Variants in SRD5A1 observed in about 807,000 individuals in gnomAD.
SRD5A1 encodes the protein steroid 5 alpha-reductase 1.
SRD5A1 carries 22 observed loss-of-function variants against 28.2 expected under a neutral mutation model. The observed-to-expected ratio is 0.78, with a 90% CI of 0.56 to 1.12. The LOEUF is 1.12. SRD5A1 is among the 50% of genes most tolerant of loss of function. SRD5A1 has a pLI of 0.00. For missense variants in SRD5A1, 300 were observed against 346.7 expected (o/e 0.87, Z 1.07); for synonymous variants, 151 against 135.0 (o/e 1.12, Z -0.82).
chr5:6,654,265 C>T (rs1254352825), intron 2 of SRD5A1, among the ~76,000 whole-genome samples: 1 of 152,036 alleles, frequency 6.6e-6, no homozygotes, highest in Non-Finnish European at 1.5e-5. Context: ...TCATGTTGGC[C>T]AGACTGGTCT....
Position 6,633,840 on chromosome 5 carries a change from G to A in SRD5A1, c.264G>A (p.Leu88=), listed in dbSNP as rs1471773515. The stretch of plus-strand genomic sequence containing the variant: ...GCAGCGCGCCCAACTGCATCCTCCT[G>A]GCCATGTTCCTCGTCCACTACGGGC... ...RLRSAPNCIL[L]AMFLVHYGHR... is the part of the protein sequence containing the mutation. Residue 88 remains leucine (L), a synonymous_variant, in exon 1 of 5, where the codon CTG becomes CTA. Coordinates refer to ENST00000274192, the MANE Select transcript of SRD5A1 (RefSeq NM_001047.4). 1.9e-5 allele frequency: 30 copies of A among 1,597,622 alleles called. No individual in the cohort carries two copies. Among genetic ancestry groups the A allele is most frequent in the Non-Finnish European group, 2.5e-5 (30 of 1,179,568 alleles).
rs1739387924 is a variant in SRD5A1 at position 6,672,406 on chromosome 5, G to C, written c.*4138G>C. The C allele has an allele frequency of 6.6e-6, 1 of 152,326 alleles. No individual in the cohort carries two copies. The highest frequency in any genetic ancestry group is 6.5e-5 in the Admixed American group (1 of 15,286). The allele number at this position is 152,326 out of a possible 1,614,324, so 9.4% of individuals were successfully genotyped here. ...TTCTTCTGCCTCAGCCTCCCGAGTAGCTGGGATTACAGGTGCATGCCACCA... is the reference window on the plus strand; with the variant it reads ...TTCTTCTGCCTCAGCCTCCCGAGTACCTGGGATTACAGGTGCATGCCACCA... On this transcript the variant is annotated 3_prime_UTR_variant, in exon 5 of 5. Transcript: ENST00000274192.
At chr5:6,656,214 T>A in intron 3 of SRD5A1, 35 bp downstream of exon 3, 2 of 1,561,414 alleles carry the variant, frequency 1.3e-6, no homozygotes, top group Non-Finnish European at 1.8e-6. Context: ...CTGTGAAAGT[T>A]GCTTGCCATG....
chr5:6,649,937 G>T (rs917234510), intron 1 of SRD5A1, among the ~76,000 whole-genome samples: 1 of 152,054 alleles, frequency 6.6e-6, no homozygotes, highest in African/African-American at 2.4e-5. Flanking sequence ...CAGTAATATT[G>T]CCCAAAAAGG....
At position 6,633,832 on chromosome 5, in the gene SRD5A1, A is replaced by G. The variant is rs373323010; in HGVS notation, c.256A>G (p.Ile86Val). The G allele has an allele frequency of 1.9e-6, 3 of 1,597,628 alleles. No homozygotes were observed. Among genetic ancestry groups the G allele is most frequent in the Non-Finnish European group, 2.5e-6 (3 of 1,179,604 alleles). The change falls in exon 1 of 5, where the codon ATC becomes GTC. Residue 86 changes from isoleucine (I) to valine (V), a missense_variant. This residue lies in a region of SRD5A1 where 174 missense variants were observed against 160.9 expected (regional missense o/e 1.08). Transcript: ENST00000274192. ...APRLRSAPNC[I>V]LLAMFLVHYG... ...GCGTCTCCGCAGCGCGCCCAACTGCATCCTCCTGGCCATGTTCCTCGTCCA... is the reference window on the plus strand; with the variant it reads ...GCGTCTCCGCAGCGCGCCCAACTGCGTCCTCCTGGCCATGTTCCTCGTCCA...
intron 4 of SRD5A1, among the ~76,000 whole-genome samples, chr5:6,666,427 C>T (rs1435024967): frequency 5.3e-5 from 8 of 152,158 alleles, no homozygotes; most frequent in South Asian, 2.1e-4. Context: ...GAATTACAGG[C>T]GTCAGCCACC....
At chr5:6,661,916 G>T (rs549456507) in intron 3 of SRD5A1, among the ~76,000 whole-genome samples, 1 of 152,254 alleles carries the variant, frequency 6.6e-6, no homozygotes, top group South Asian at 2.1e-4. Context: ...GTTGGAACCT[G>T]GGGCAGATCA....
chr5:6,660,991 G>A (rs1440659579), intron 3 of SRD5A1, among the ~76,000 whole-genome samples: 4 of 152,070 alleles, frequency 2.6e-5, no homozygotes, highest in Non-Finnish European at 4.4e-5. Flanking sequence ...ACAAGAAACC[G>A]CCTGCATGAT....
At chr5:6,665,787 C>A (rs1372132313) in intron 4 of SRD5A1, among the ~76,000 whole-genome samples, 2 of 152,082 alleles carry the variant, frequency 1.3e-5, no homozygotes, top group Admixed American at 1.3e-4. Flanking sequence ...CAGGAAAGCC[C>A]CTCTCAGTAT....
At chr5:6,645,468 C>T (rs555094694) in intron 1 of SRD5A1, among the ~76,000 whole-genome samples, 2 of 151,920 alleles carry the variant, frequency 1.3e-5, no homozygotes, top group Admixed American at 6.6e-5. Flanking sequence ...GGAGAAACCC[C>T]GTCTCTACTA....
At chr5:6,657,992 A>C (rs569017801) in intron 3 of SRD5A1, among the ~76,000 whole-genome samples, 1 of 152,350 alleles carries the variant, frequency 6.6e-6, no homozygotes, top group South Asian at 2.1e-4. Flanking sequence ...TTCACAAAGC[A>C]GGGGAAAATT....
At chr5:6,659,982 C>G (rs1738956084) in intron 3 of SRD5A1, among the ~76,000 whole-genome samples, 1 of 152,154 alleles carries the variant, frequency 6.6e-6, no homozygotes, top group African/African-American at 2.4e-5. Context: ...TCCAGTGACT[C>G]CGTGAGGTCT....
At position 6,657,850 on chromosome 5, in the gene SRD5A1, TCA is replaced by T. The variant is rs141678026; in HGVS notation, c.562+1672_562+1673del. ...GCCCCTGTCCCTCCATTTCCTGCTCTCAGTGTCTGATCCTTGTTCTAATCCAA... is the reference window on the plus strand; with the variant it reads ...GCCCCTGTCCCTCCATTTCCTGCTCTGTGTCTGATCCTTGTTCTAATCCAA... On this transcript the variant is annotated intron_variant, in intron 3 of 4. Coordinates refer to ENST00000274192, the MANE Select transcript of SRD5A1 (RefSeq NM_001047.4). 6.5e-3 allele frequency among the ~76,000 whole-genome samples: 988 copies of T among 152,342 alleles called. 8 individuals carry two copies. The highest frequency in any genetic ancestry group is 0.023 in the African/African-American group (950 of 41,564).
intron 1 of SRD5A1, among the ~76,000 whole-genome samples, chr5:6,640,658 A>C (rs2434524): frequency 0.17 from 25,718 of 152,062 alleles, 2,385 homozygotes; most frequent in East Asian, 0.23. Flanking sequence ...CACCAGGCCA[A>C]AGCCTTGTTC....
rs1057039513 is a variant in SRD5A1, at chr5:6,673,807, G to A, written c.*5539G>A. 2 of 152,062 alleles carry A rather than the reference G, an allele frequency of 1.3e-5. No individual in the cohort carries two copies. Among genetic ancestry groups the A allele is most frequent in the Admixed American group, 6.5e-5 (1 of 15,270 alleles). The allele number at this position is 152,062 out of a possible 1,614,324, so 9.4% of individuals were successfully genotyped here. ...TTTTAACAAAGAGCTATCAAGCCAT[G>A]AAAAGATAAGGAAGAACTTTAATGC... is the stretch of plus-strand genomic sequence containing the variant. On this transcript the variant is annotated 3_prime_UTR_variant, in exon 5 of 5. Coordinates refer to ENST00000274192, the MANE Select transcript of SRD5A1 (RefSeq NM_001047.4).
intron 3 of SRD5A1, among the ~76,000 whole-genome samples, chr5:6,657,336 T>C (rs1383416518): frequency 1.3e-5 from 2 of 152,216 alleles, no homozygotes; most frequent in East Asian, 1.9e-4. Flanking sequence ...CCTGGGTGGA[T>C]TGGGGAAGAA....
intron 1 of SRD5A1, among the ~76,000 whole-genome samples, chr5:6,639,066 A>T (rs494958): frequency 0.21 from 31,369 of 152,188 alleles, 3,573 homozygotes; most frequent in African/African-American, 0.28. Flanking sequence ...TGACGTCCAG[A>T]CGCTTTGAGA....
intron 4 of SRD5A1, 82 bp from the exon 5 acceptor site, chr5:6,668,120 T>C (rs1343572211): frequency 1.5e-5 from 13 of 893,950 alleles, no homozygotes; most frequent in Non-Finnish European, 2.2e-5. Flanking sequence ...TCTTTTGTAA[T>C]GAAAAATATT....
At chr5:6,662,269 C>G (rs1342522417) in intron 3 of SRD5A1, among the ~76,000 whole-genome samples, 1 of 152,216 alleles carries the variant, frequency 6.6e-6, no homozygotes, top group Non-Finnish European at 1.5e-5. Context: ...CTCACTCTGC[C>G]CTGCCCCTCG....
Sources: allele counts gnomAD v4.1 joint callset (sites outside exome capture counted in the v4.1 genomes callset), GRCh38; gene constraint gnomAD v4.1.1; regional missense constraint gnomAD v4.1.1; transcripts MANE v1.5; gene names NCBI Gene and HGNC (gene_info 2026-07-23, HGNC 2026-07-21).